Variants in LRRC4C observed in about 807,000 individuals in gnomAD.
LRRC4C encodes leucine-rich repeat-containing protein 4C.
A neutral mutation model predicts 33.6 loss-of-function variants in LRRC4C; 5 were observed. The ratio of observed to expected loss-of-function variants is 0.15; its 90% CI spans 0.08 to 0.31. LRRC4C has a LOEUF of 0.31. Ranked by LOEUF, LRRC4C falls within the 10% of genes least tolerant of loss-of-function variation. The pLI, the probability that LRRC4C is intolerant of heterozygous loss-of-function variation, is 1.00. For missense variants in LRRC4C, 560 were observed against 796.7 expected, an observed-to-expected ratio of 0.70 and a Z score of 3.58; for synonymous variants, 329 against 302.0, an observed-to-expected ratio of 1.09 and a Z score of -0.93.
At chr11:40,873,766 T>C (rs1354598896) in intron 2 of LRRC4C, among the ~76,000 whole-genome samples, 1 of 152,180 alleles carries the variant, frequency 6.6e-6, no homozygotes, top group Non-Finnish European at 1.5e-5. Flanking sequence ...CTTGTATCAC[T>C]GGCGGGAGAA....
intron 2 of LRRC4C, among the ~76,000 whole-genome samples, chr11:40,906,776 T>C (rs1956437933): frequency 6.6e-6 from 1 of 152,172 alleles, no homozygotes; most frequent in Admixed American, 6.5e-5. Flanking sequence ...TTAATTTCTA[T>C]ATGTACGTGT....
chr11:40,426,024 T>C (rs1437209453), intron 3 of LRRC4C, among the ~76,000 whole-genome samples: 1 of 151,050 alleles, frequency 6.6e-6, no homozygotes, highest in Admixed American at 6.6e-5. Flanking sequence ...TTTTTTTTTT[T>C]TTTTTTTGAG....
intron 5 of LRRC4C, among the ~76,000 whole-genome samples, chr11:40,236,448 G>A (rs1865564348): frequency 6.6e-6 from 1 of 152,128 alleles, no homozygotes; most frequent in African/African-American, 2.4e-5. Context: ...TGATATATCA[G>A]TAGAACTAAC....
intron 3 of LRRC4C, among the ~76,000 whole-genome samples, chr11:40,613,571 C>T (rs999371308): frequency 1.3e-5 from 2 of 151,782 alleles, no homozygotes; most frequent in Non-Finnish European, 2.9e-5. Context: ...CTGGAAACAA[C>T]TTCTTCCAAA....
intron 1 of LRRC4C, among the ~76,000 whole-genome samples, chr11:41,399,131 C>G (rs780663021): frequency 4.6e-5 from 7 of 151,856 alleles, no homozygotes; most frequent in Non-Finnish European, 1.0e-4. Context: ...GAGATTGCAC[C>G]TCAGTCTCTT....
chr11:41,066,286 C>A lies in LRRC4C; in HGVS notation c.-495-132563G>T, dbSNP rs531763788. Among the ~76,000 whole-genome samples, 3 of 152,128 alleles carry A rather than the reference C, an allele frequency of 2.0e-5. No homozygotes were observed. In the East Asian group the frequency reaches 5.8e-4, roughly 29 times the overall value. ...GTGGATCATACACAAGTATCAATAG[C>A]CGAATTAATCAAGTGGAAGAAAGGA... is the stretch of plus-strand genomic sequence containing the variant. On this transcript the variant is annotated intron_variant, in intron 1 of 6. Coordinates refer to ENST00000528697, the MANE Select transcript of LRRC4C (RefSeq NM_001258419.2).
chr11:40,693,071 T>C (rs1179304072), intron 2 of LRRC4C, among the ~76,000 whole-genome samples: 1 of 152,076 alleles, frequency 6.6e-6, no homozygotes, highest in African/African-American at 2.4e-5. Context: ...GGATACACTG[T>C]AGCAGATTTT....
intron 2 of LRRC4C, among the ~76,000 whole-genome samples, chr11:40,702,595 T>A (rs1395127464): frequency 1.3e-5 from 2 of 152,160 alleles, no homozygotes; most frequent in East Asian, 3.9e-4. Context: ...ATGGCGTCCA[T>A]GTTTCCCTGT....
intron 1 of LRRC4C, among the ~76,000 whole-genome samples, chr11:41,329,300 A>G (rs1256103237): frequency 1.3e-5 from 2 of 152,104 alleles, no homozygotes; most frequent in African/African-American, 4.8e-5. Context: ...CTCTGCTAAG[A>G]TCTCCCTCCT....
intron 3 of LRRC4C, among the ~76,000 whole-genome samples, chr11:40,571,422 C>T (rs974165324): frequency 1.3e-5 from 2 of 151,972 alleles, no homozygotes; most frequent in African/African-American, 2.4e-5. Context: ...GAACAGAATT[C>T]CTGACAGAAC....
intron 2 of LRRC4C, among the ~76,000 whole-genome samples, chr11:40,714,585 C>G (rs1172314051): frequency 6.6e-6 from 1 of 152,146 alleles, no homozygotes; most frequent in African/African-American, 2.4e-5. Context: ...TCCTGCTAAT[C>G]CTCAAGTATT....
chr11:40,714,364 C>T (rs1477257702), intron 2 of LRRC4C, among the ~76,000 whole-genome samples: 1 of 152,192 alleles, frequency 6.6e-6, no homozygotes, highest in East Asian at 1.9e-4. Flanking sequence ...TTTAACTGCA[C>T]TTCCGATCAC....
chr11:40,591,032 T>G (rs1479304200), intron 3 of LRRC4C, among the ~76,000 whole-genome samples: 1 of 152,148 alleles, frequency 6.6e-6, no homozygotes, highest in Non-Finnish European at 1.5e-5. Flanking sequence ...GGCTGCTTTG[T>G]TTACCTAAGC....
chr11:41,351,113 A>C (rs1951966363), intron 1 of LRRC4C, among the ~76,000 whole-genome samples: 2 of 151,988 alleles, frequency 1.3e-5, no homozygotes, highest in South Asian at 4.1e-4. Flanking sequence ...TGTGCCTTTA[A>C]TCTCAGTTAC....
chr11:41,345,308 T>C (rs1044310198), intron 1 of LRRC4C, among the ~76,000 whole-genome samples: 2 of 152,152 alleles, frequency 1.3e-5, no homozygotes, highest in Admixed American at 6.5e-5. Flanking sequence ...TGGAAGAAGA[T>C]TGGTAGCAGA....
chr11:40,784,028 C>A (rs1293808277), intron 2 of LRRC4C, among the ~76,000 whole-genome samples: 1 of 151,786 alleles, frequency 6.6e-6, no homozygotes, highest in Non-Finnish European at 1.5e-5. Context: ...TCTGAGTTGT[C>A]CTTTAGTTAA....
intron 1 of LRRC4C, among the ~76,000 whole-genome samples, chr11:41,084,785 G>A (rs769900918): frequency 3.3e-5 from 5 of 152,100 alleles, no homozygotes; most frequent in Non-Finnish European, 1.5e-5. Context: ...GAAGGTGGAG[G>A]TTGCAGTGAG....
intron 3 of LRRC4C, among the ~76,000 whole-genome samples, chr11:40,487,722 G>A (rs140054111): frequency 1.2e-3 from 177 of 152,074 alleles, no homozygotes; most frequent in African/African-American, 3.6e-3. Context: ...GTCAACTTAC[G>A]TAAAACCCTT....
chr11:40,127,533 A>C lies in LRRC4C; in HGVS notation c.-42-11199T>G, dbSNP rs560559431. ...TTTGAATGTATTTTAATAAAAAAAA[A>C]CTTAGAAACTTGAGGCTTTTAAGCA... On this transcript the variant is annotated intron_variant, in intron 6 of 6. Coordinates refer to ENST00000528697, the MANE Select transcript of LRRC4C (RefSeq NM_001258419.2). Among the ~76,000 whole-genome samples the C allele has an allele frequency of 2.6e-4, 39 of 152,274 alleles. No homozygotes were observed. In the South Asian group the frequency reaches 7.7e-3, roughly 30 times the overall value.
Sources: gnomAD v4.1 joint callset for allele counts (sites outside exome capture counted in the v4.1 genomes callset) on GRCh38, gnomAD v4.1.1 for gene constraint, MANE v1.5 for transcripts, NCBI Gene and HGNC (gene_info 2026-07-23, HGNC 2026-07-21) for gene names.